Variants in PLEKHA7 observed in about 807,000 individuals in gnomAD.
PLEKHA7 encodes the protein pleckstrin homology domain-containing family A member 7.
A neutral mutation model predicts 170.0 loss-of-function variants in PLEKHA7; 104 were observed. The ratio of observed to expected loss-of-function variants is 0.61; its 90% confidence interval spans 0.52 to 0.72. The LOEUF (loss-of-function observed/expected upper bound fraction) is 0.72, where lower values mean the gene tolerates loss of function less well. PLEKHA7 is among the 30% of genes least tolerant of loss of function. PLEKHA7 has a pLI of 0.00. For missense variants in PLEKHA7, 1,615 were observed against 1,671.7 expected (o/e 0.97, Z 0.59); for synonymous variants, 648 against 660.8 (o/e 0.98, Z 0.30).
At chr11:16,837,906 AACT>A (rs970136126) in intron 9 of PLEKHA7, among the ~76,000 whole-genome samples, 2 of 152,180 alleles carry the variant, frequency 1.3e-5, no homozygotes, top group African/African-American at 4.8e-5. Context: ...CTCCAGGCCC[AACT>A]ATCGGTGGTG....
intron 3 of PLEKHA7, among the ~76,000 whole-genome samples, chr11:16,956,909 A>G (rs1191313196): frequency 6.6e-6 from 1 of 152,234 alleles, no homozygotes; most frequent in Non-Finnish European, 1.5e-5. Context: ...ACTGCCTTGA[A>G]GAACAGAAAG....
chr11:16,943,175 T>C (rs188124565), intron 3 of PLEKHA7, among the ~76,000 whole-genome samples: 9 of 152,318 alleles, frequency 5.9e-5, no homozygotes, highest in Non-Finnish European at 1.3e-4. Flanking sequence ...ATCAGTGAAA[T>C]CAATTTTCAT....
intron 3 of PLEKHA7, among the ~76,000 whole-genome samples, chr11:16,883,460 C>T (rs970608767): frequency 1.3e-5 from 2 of 152,166 alleles, no homozygotes; most frequent in Non-Finnish European, 2.9e-5. Context: ...TGCTCTTGTT[C>T]CATTATCTCC....
chr11:17,012,620 C>A (rs1182417617), intron 3 of PLEKHA7, among the ~76,000 whole-genome samples: 3 of 152,182 alleles, frequency 2.0e-5, no homozygotes, highest in East Asian at 1.9e-4. Flanking sequence ...TTATTTTCTA[C>A]TCCCTTCCCT....
chr11:16,830,544 A>C (rs1564977486), intron 9 of PLEKHA7, among the ~76,000 whole-genome samples: 1 of 152,264 alleles, frequency 6.6e-6, no homozygotes, highest in Non-Finnish European at 1.5e-5. Context: ...AAAGCCAGAC[A>C]GTGAAACAAA....
chr11:16,813,066 C>A, intron 13 of PLEKHA7, 47 bp downstream of exon 13: 1 of 1,573,156 alleles, frequency 6.4e-7, no homozygotes, highest in South Asian at 1.1e-5. Context: ...GTGACACTCT[C>A]AGAAAGGTGA....
intron 3 of PLEKHA7, among the ~76,000 whole-genome samples, chr11:17,006,607 A>G (rs536747004): frequency 1.7e-3 from 247 of 147,900 alleles, no homozygotes; most frequent in Non-Finnish European, 2.8e-3. Context: ...AGCCTGGGTG[A>G]CACAGCAAGA....
At chr11:16,905,638 A>G (rs1857608170) in intron 3 of PLEKHA7, among the ~76,000 whole-genome samples, 1 of 152,166 alleles carries the variant, frequency 6.6e-6, no homozygotes, top group African/African-American at 2.4e-5. Context: ...AAAGCTGGGT[A>G]AGAAGGCCTC....
At chr11:16,979,269 C>A (rs780648439) in intron 3 of PLEKHA7, among the ~76,000 whole-genome samples, 33 of 152,176 alleles carry the variant, frequency 2.2e-4, no homozygotes, top group Non-Finnish European at 4.4e-4. Flanking sequence ...ACCTCACGAC[C>A]CACCTGCCTC....
Position 16,851,221 on chromosome 11 carries a change from C to T in PLEKHA7, c.666G>A (p.Glu222=). The T allele has an allele frequency of 6.2e-7, 1 of 1,610,942 alleles. No individual in the cohort carries two copies. The highest frequency in any genetic ancestry group is 2.2e-5 in the East Asian group (1 of 44,768). ...PSYVISPVAP[E]DRISRKYSFK... is the part of the protein sequence containing the mutation. ...AGGAATATTTGCGGCTTATGCGATC[C>T]TCAGGGGCCACAGGAGAGATCACGT... Residue 222 remains glutamate (E), a synonymous_variant, in exon 8 of 27, where the codon GAG becomes GAA. Coordinates refer to ENST00000531066, the MANE Select transcript of PLEKHA7 (RefSeq NM_001329630.2).
intron 3 of PLEKHA7, among the ~76,000 whole-genome samples, chr11:16,975,714 C>G (rs1437503318): frequency 6.6e-6 from 1 of 152,150 alleles, no homozygotes; most frequent in African/African-American, 2.4e-5. Flanking sequence ...AGATAGACAA[C>G]AAGATGTTAA....
chr11:16,935,602 T>C (rs915139094), intron 3 of PLEKHA7, among the ~76,000 whole-genome samples: 2 of 152,206 alleles, frequency 1.3e-5, no homozygotes, highest in Non-Finnish European at 2.9e-5. Flanking sequence ...TCCAAATCAC[T>C]GATATGAGCC....
chr11:16,845,358 G>A (rs551178854), intron 8 of PLEKHA7, among the ~76,000 whole-genome samples: 12 of 152,240 alleles, frequency 7.9e-5, no homozygotes, highest in South Asian at 2.1e-4. Context: ...GTTTTGTTTT[G>A]TTATGTTGTT....
intron 3 of PLEKHA7, among the ~76,000 whole-genome samples, chr11:16,935,386 C>T (rs1860215804): frequency 6.6e-6 from 1 of 152,228 alleles, no homozygotes; most frequent in South Asian, 2.1e-4. Context: ...CGTGCCATTG[C>T]ACTCCAGCCT....
At chr11:16,905,656 A>T (rs1857609547) in intron 3 of PLEKHA7, among the ~76,000 whole-genome samples, 2 of 152,146 alleles carry the variant, frequency 1.3e-5, no homozygotes, top group Admixed American at 1.3e-4. Flanking sequence ...CTCAGAAATG[A>T]CTGGAGAGGG....
chr11:16,957,630 C>T (rs1338074422), intron 3 of PLEKHA7, among the ~76,000 whole-genome samples: 1 of 151,602 alleles, frequency 6.6e-6, no homozygotes, highest in Non-Finnish European at 1.5e-5. Flanking sequence ...GTGGTGAACA[C>T]CACTGATTTG....
chr11:16,924,822 T>C (rs181947755), intron 3 of PLEKHA7, among the ~76,000 whole-genome samples: 9 of 152,332 alleles, frequency 5.9e-5, no homozygotes, highest in Non-Finnish European at 8.8e-5. Context: ...CATTAATAAT[T>C]AACTTGCCTA....
intron 3 of PLEKHA7, among the ~76,000 whole-genome samples, chr11:16,876,491 G>A (rs1212820360): frequency 1.3e-5 from 2 of 152,238 alleles, no homozygotes; most frequent in Non-Finnish European, 2.9e-5. Context: ...GAAAGGACCA[G>A]GGAACATGGA....
At chr11:16,859,756 C>T (rs577416904) in intron 4 of PLEKHA7, among the ~76,000 whole-genome samples, 37 of 152,298 alleles carry the variant, frequency 2.4e-4, no homozygotes, top group African/African-American at 8.9e-4. Context: ...ACTTCTCTTC[C>T]CAGAGAAGAG....
Sources: gnomAD v4.1 joint callset for allele counts (sites outside exome capture counted in the v4.1 genomes callset) on GRCh38, gnomAD v4.1.1 for gene constraint, MANE v1.5 for transcripts, NCBI Gene and HGNC (gene_info 2026-07-23, HGNC 2026-07-21) for gene names.